Variants in ZNF536 observed in about 807,000 individuals in gnomAD.
The protein encoded by ZNF536 is zinc finger protein 536.
ZNF536 carries 13 observed loss-of-function variants against 84.5 expected under a neutral mutation model. The observed-to-expected ratio is 0.15, with a 90% CI of 0.10 to 0.24. The LOEUF (loss-of-function observed/expected upper bound fraction) is 0.24, where lower values mean the gene tolerates loss of function less well. Among genes scored for constraint, ZNF536 ranks in the 10% least tolerant of loss-of-function variants. ZNF536 has a pLI of 1.00. For missense variants in ZNF536, 1,536 were observed against 1,747.5 expected (o/e 0.88, Z 2.16); for synonymous variants, 811 against 742.5 (o/e 1.09, Z -1.50).
At chr19:30,559,742 C>G (rs2046091522), downstream of ZNF536, among the ~76,000 whole-genome samples, 1 of 152,138 alleles carries the variant, frequency 6.6e-6, no homozygotes, top group Non-Finnish European at 1.5e-5. Context: ...CGGATCTTCC[C>G]AGCCCTTTGC....
chr19:30,521,752 A>G (rs564802189), intron 2 of ZNF536, among the ~76,000 whole-genome samples: 1 of 152,284 alleles, frequency 6.6e-6, no homozygotes, highest in Admixed American at 6.5e-5. Context: ...CCCTGTATCT[A>G]GCCAGAGAAG....
chr19:30,709,454 T>C (rs996162326), intron 1 of ZNF536, among the ~76,000 whole-genome samples: 1 of 152,162 alleles, frequency 6.6e-6, no homozygotes. Flanking sequence ...CTTGCCATTC[T>C]TGGTTTGCTC....
chr19:30,484,664 T>TTTC (rs149796898), intron 2 of ZNF536, among the ~76,000 whole-genome samples: 41 of 146,686 alleles, frequency 2.8e-4, no homozygotes, highest in East Asian at 8.0e-4. Flanking sequence ...CACTTTCTTT[T>TTTC]TTCTTCTTCT....
intron 1 of ZNF536, among the ~76,000 whole-genome samples, chr19:30,673,310 A>G (rs528358706): frequency 6.6e-6 from 1 of 151,914 alleles, no homozygotes; most frequent in Non-Finnish European, 1.5e-5. Context: ...TTGTTTCATC[A>G]CTTTTCTGCT....
At chr19:30,612,135 G>A (rs1368513364) in intron 1 of ZNF536, among the ~76,000 whole-genome samples, 1 of 152,188 alleles carries the variant, frequency 6.6e-6, no homozygotes, top group African/African-American at 2.4e-5. Flanking sequence ...TGGTGCTCCC[G>A]AAAGAAACAT....
At chr19:30,378,680 A>G (rs1324310674) in intron 1 of ZNF536, among the ~76,000 whole-genome samples, 2 of 152,100 alleles carry the variant, frequency 1.3e-5, no homozygotes, top group South Asian at 2.1e-4. Context: ...TCTTCTTTCC[A>G]TCTCCTGCAT....
chr19:30,323,986 C>T (rs2046940205), intron 2 of ZNF536, among the ~76,000 whole-genome samples: 1 of 152,032 alleles, frequency 6.6e-6, no homozygotes, highest in African/African-American at 2.4e-5. Context: ...CAACTACCCC[C>T]TTATTCACCT....
intron 2 of ZNF536, among the ~76,000 whole-genome samples, chr19:30,447,804 C>T (rs2052422849): frequency 6.6e-6 from 1 of 152,190 alleles, no homozygotes; most frequent in Non-Finnish European, 1.5e-5. Context: ...ACTGGTTCCC[C>T]TAAGTTTTTA....
chr19:30,554,275 T>TTA (rs2045888935), intron 4 of ZNF536: 1 of 147,564 alleles, frequency 6.8e-6, no homozygotes, highest in Non-Finnish European at 1.5e-5. Context: ...TTTTTTTTTT[T>TTA]GGAGATGGAG....
chr19:30,240,161 G>A (rs1170430516), intron 1 of ZNF536, among the ~76,000 whole-genome samples: 1 of 152,068 alleles, frequency 6.6e-6, no homozygotes, highest in East Asian at 1.9e-4. Flanking sequence ...TTGAGGTCAG[G>A]AGATCGACAC....
intron 1 of ZNF536, among the ~76,000 whole-genome samples, chr19:30,575,553 C>T (rs1282460223): frequency 1.3e-5 from 2 of 152,244 alleles, no homozygotes; most frequent in Non-Finnish European, 1.5e-5. Flanking sequence ...TGCACCAGAT[C>T]CTTTCCTAGG....
chr19:30,459,561 G>A (rs1037375281), intron 2 of ZNF536, among the ~76,000 whole-genome samples: 1 of 151,894 alleles, frequency 6.6e-6, no homozygotes, highest in Non-Finnish European at 1.5e-5. Flanking sequence ...ATATTGGCCA[G>A]GCTGGTCTCG....
chr19:30,243,614 A>G (rs2024083037), intron 1 of ZNF536, among the ~76,000 whole-genome samples: 1 of 152,226 alleles, frequency 6.6e-6, no homozygotes, highest in Non-Finnish European at 1.5e-5. Flanking sequence ...AAAAAATTAT[A>G]TTTTTCCCCA....
intron 2 of ZNF536, among the ~76,000 whole-genome samples, chr19:30,306,958 G>C (rs1297854969): frequency 1.3e-5 from 2 of 152,140 alleles, no homozygotes; most frequent in Non-Finnish European, 2.9e-5. Context: ...CAGTAATTGA[G>C]AGAAGTTGAG....
At chr19:30,594,407 C>T (rs1305930057) in intron 1 of ZNF536, among the ~76,000 whole-genome samples, 2 of 152,136 alleles carry the variant, frequency 1.3e-5, no homozygotes, top group African/African-American at 4.8e-5. Flanking sequence ...GGCCACAGGT[C>T]CTCCCCTCTT....
At chr19:30,605,291 A>G (rs2047829732) in intron 1 of ZNF536, among the ~76,000 whole-genome samples, 2 of 152,114 alleles carry the variant, frequency 1.3e-5, no homozygotes, top group African/African-American at 4.8e-5. Context: ...TCACCCAAGC[A>G]GAGTACCCCA....
chr19:30,389,637 C>G (rs2049497997), intron 1 of ZNF536, among the ~76,000 whole-genome samples: 1 of 152,160 alleles, frequency 6.6e-6, no homozygotes, highest in Non-Finnish European at 1.5e-5. Context: ...AAGCGAAGGC[C>G]AAGACCAGAA....
chr19:30,625,177 G>A (rs73031120), intron 1 of ZNF536, among the ~76,000 whole-genome samples: 7,465 of 152,230 alleles, frequency 0.049, 279 homozygotes, highest in Non-Finnish European at 0.076. Flanking sequence ...CCACAGGTGA[G>A]CATAGGTAAC....
At chr19:30,710,018 T>G (rs1051702327) in intron 1 of ZNF536, among the ~76,000 whole-genome samples, 1 of 152,214 alleles carries the variant, frequency 6.6e-6, no homozygotes, top group African/African-American at 2.4e-5. Flanking sequence ...TCATCCCACA[T>G]GAAATTTATA....
Sources: allele counts gnomAD v4.1 joint callset (sites outside exome capture counted in the v4.1 genomes callset), GRCh38; gene constraint gnomAD v4.1.1; transcripts MANE v1.5; gene names NCBI Gene and HGNC (gene_info 2026-07-23, HGNC 2026-07-21).